The following LYPLA1 variants were observed in gnomAD, a reference collection of about 807,000 sequenced individuals.
LYPLA1 encodes lysophospholipase 1, also known as acyl-protein thioesterase 1.
In LYPLA1, 17 loss-of-function variants were observed where a neutral mutation model predicts 34.0. The observed-to-expected ratio is 0.50, with a 90% CI of 0.34 to 0.75. The LOEUF is 0.75. LYPLA1 is among the 30% of genes least tolerant of loss of function. The probability of loss-of-function intolerance (pLI) is 0.01; values close to 1 mark genes in which losing one functional copy is unlikely to be tolerated. For missense variants in LYPLA1, 203 were observed against 288.8 expected (o/e 0.70, Z 2.15); for synonymous variants, 98 against 100.8 (o/e 0.97, Z 0.17).
intron 2 of LYPLA1, among the ~76,000 whole-genome samples, chr8:54,091,458 G>A (rs767609534): frequency 6.6e-6 from 1 of 151,020 alleles, no homozygotes; most frequent in Non-Finnish European, 1.5e-5. Flanking sequence ...CTGCACTCTA[G>A]CCTGGGCAAC....
Position 54,059,867 on chromosome 8 carries a change from G to T in LYPLA1, c.286+2387C>A, listed in dbSNP as rs114138116. On this transcript the variant is annotated intron_variant, in intron 5 of 8. Transcript: ENST00000316963. The stretch of plus-strand genomic sequence containing the variant: ...GACCAGGAATTTGAGGCTGCAGTGA[G>T]ATATGATCACCAACTGTACTCTAAC... Among the ~76,000 whole-genome samples the T allele has an allele frequency of 7.6e-3, 1,164 of 152,298 alleles. 16 individuals carry two copies. Among genetic ancestry groups the T allele is most frequent in the African/African-American group, 0.026 (1,077 of 41,548 alleles).
intron 4 of LYPLA1, among the ~76,000 whole-genome samples, chr8:54,062,819 T>C (rs551649958): frequency 6.6e-6 from 1 of 152,302 alleles, no homozygotes; most frequent in South Asian, 2.1e-4. Context: ...GCTAAAGTCA[T>C]CGTTTTTTAA....
intron 6 of LYPLA1, chr8:54,054,787 G>T (rs1205623578): frequency 6.5e-6 from 2 of 309,230 alleles, no homozygotes; most frequent in African/African-American, 4.4e-5. Flanking sequence ...CTCCTATAGA[G>T]GGGACTCATG....
intron 6 of LYPLA1, among the ~76,000 whole-genome samples, chr8:54,053,857 C>A (rs1028079013): frequency 7.2e-5 from 11 of 152,210 alleles, no homozygotes; most frequent in African/African-American, 2.7e-4. Flanking sequence ...TCCTCAGTTT[C>A]CTTGATAGGA....
At chr8:54,061,188 C>T (rs1336480108) in intron 5 of LYPLA1, among the ~76,000 whole-genome samples, 1 of 151,674 alleles carries the variant, frequency 6.6e-6, no homozygotes, top group Non-Finnish European at 1.5e-5. Flanking sequence ...TCAAGCGATT[C>T]TCCTGCCTCG....
At chr8:54,062,183 C>G in intron 5 of LYPLA1, 71 bp downstream of exon 5, 1 of 1,082,390 alleles carries the variant, frequency 9.2e-7, no homozygotes, top group South Asian at 1.3e-5. Context: ...TAACCAGTAG[C>G]GATATGATTA....
chr8:54,060,634 T>A (rs1806536597), intron 5 of LYPLA1, among the ~76,000 whole-genome samples: 1 of 151,766 alleles, frequency 6.6e-6, no homozygotes, highest in East Asian at 1.9e-4. Flanking sequence ...AGTTATGTGC[T>A]CAATCAGTGG....
intron 6 of LYPLA1, 41 bp downstream of exon 6, chr8:54,055,019 T>C (rs370838604): frequency 3.5e-5 from 41 of 1,170,190 alleles, no homozygotes; most frequent in Non-Finnish European, 5.0e-5. Context: ...TCTAAATAAG[T>C]ATACTGATGG....
intron 1 of LYPLA1, 74 bp downstream of exon 1, chr8:54,101,681 C>CCCA: frequency 3.3e-6 from 4 of 1,204,058 alleles, no homozygotes; most frequent in Non-Finnish European, 4.2e-6. Context: ...GCCCGCAACG[C>CCCA]CCACCCCGCG....
chr8:54,044,402 T>C (rs1382083454), downstream of LYPLA1, among the ~76,000 whole-genome samples: 1 of 152,200 alleles, frequency 6.6e-6, no homozygotes, highest in Non-Finnish European at 1.5e-5. Context: ...AGGGAGATTC[T>C]TGACGTTAAT....
intron 2 of LYPLA1, among the ~76,000 whole-genome samples, chr8:54,095,357 G>A (rs1459958124): frequency 1.3e-5 from 2 of 152,094 alleles, no homozygotes; most frequent in African/African-American, 4.8e-5. Flanking sequence ...AATATCATAA[G>A]ATATTCGGCA....
In LYPLA1 at chr8:54,050,884, C is replaced by T. The variant is rs559777559; in HGVS notation, c.639+128G>A. ...AGTTGAATACACACTCATCTAATGA[C>T]TGCTAACTTATGACTCAATATGAAT... On this transcript the variant is annotated intron_variant, in intron 8 of 8. Transcript: ENST00000316963. The T allele has an allele frequency of 8.5e-6, 8 of 941,912 alleles. No homozygotes were observed. The African/African-American group carries it at 1.2e-4, about 14-fold the overall frequency. 58.3% of individuals were successfully genotyped at this position (941,912 alleles called of 1,614,324 possible). A position where few individuals can be genotyped will look rare whatever the true frequency, so the allele number is the denominator to read the frequency against.
chr8:54,047,256 G>A lies in LYPLA1; in HGVS notation c.*809C>T, dbSNP rs1158502931. The A allele has an allele frequency of 6.6e-6, 1 of 152,138 alleles. No homozygotes were observed. The highest frequency in any genetic ancestry group is 2.4e-5 in the African/African-American group (1 of 41,454). 9.4% of individuals were successfully genotyped at this position (152,138 alleles called of 1,614,324 possible). On this transcript the variant is annotated 3_prime_UTR_variant, in exon 9 of 9. Transcript: ENST00000316963. ...AGTAGTGCATGAAGTTTTAATGTCT[G>A]GTTTCTCTATAAAGCATAAATAGAT...
chr8:54,089,496 G>GT (rs1554549491), intron 2 of LYPLA1, among the ~76,000 whole-genome samples: 1 of 145,512 alleles, frequency 6.9e-6, no homozygotes, highest in South Asian at 2.1e-4. Flanking sequence ...CATCCCTGGG[G>GT]GGGGGCGGGA....
intron 2 of LYPLA1, among the ~76,000 whole-genome samples, chr8:54,067,693 ATTTTT>A (rs762583097): frequency 7.4e-6 from 1 of 135,516 alleles, no homozygotes; most frequent in African/African-American, 2.7e-5. Context: ...ATGAATGTTA[ATTTTT>A]TTTTTTTTTT....
chr8:54,094,390 T>C (rs1809525184), intron 2 of LYPLA1, among the ~76,000 whole-genome samples: 1 of 152,112 alleles, frequency 6.6e-6, no homozygotes, highest in African/African-American at 2.4e-5. Context: ...CTGGTGCAAC[T>C]GGAGGGGCAC....
chr8:54,067,754 G>C (rs897098660), intron 2 of LYPLA1, among the ~76,000 whole-genome samples: 2 of 148,438 alleles, frequency 1.3e-5, no homozygotes, highest in Non-Finnish European at 3.0e-5. Flanking sequence ...GGAGTGCAGT[G>C]GCGCGATCTC....
At chr8:54,057,222 G>A (rs1468914634) in intron 5 of LYPLA1, among the ~76,000 whole-genome samples, 1 of 152,042 alleles carries the variant, frequency 6.6e-6, no homozygotes, top group East Asian at 1.9e-4. Context: ...TAAAAATTGA[G>A]CTACCATATG....
chr8:54,101,084 G>A (rs902446766), intron 1 of LYPLA1, 145 bp from the exon 2 acceptor site: 10 of 578,074 alleles, frequency 1.7e-5, no homozygotes, highest in African/African-American at 2.1e-5. Context: ...AATCTTTATC[G>A]ACCTCTTTTA....
Sources: allele counts gnomAD v4.1 joint callset (sites outside exome capture counted in the v4.1 genomes callset), GRCh38; gene constraint gnomAD v4.1.1; transcripts MANE v1.5; gene names NCBI Gene and HGNC (gene_info 2026-07-23, HGNC 2026-07-21).